Variants in RAPGEF5 observed in about 807,000 individuals in gnomAD.
RAPGEF5 encodes the protein M-Ras-regulated GEF.
RAPGEF5 carries 65 observed loss-of-function variants against 125.2 expected under a neutral mutation model. The ratio of observed to expected loss-of-function variants is 0.52; its 90% confidence interval spans 0.43 to 0.64. RAPGEF5 has a LOEUF of 0.64. Ranked by LOEUF, RAPGEF5 falls within the 30% of genes least tolerant of loss-of-function variation. The pLI is 0.00. For missense variants in RAPGEF5, 958 were observed against 1,048.1 expected (o/e 0.91, Z 1.19); for synonymous variants, 391 against 385.9 (o/e 1.01, Z -0.16).
chr7:22,308,609 C>T (rs1783399095), intron 4 of RAPGEF5, 102 bp from the exon 5 acceptor site: 1 of 964,906 alleles, frequency 1.0e-6, no homozygotes, highest in Non-Finnish European at 1.5e-6. Context: ...TGGGAGCAAT[C>T]AGGGTTAAGA....
intron 24 of RAPGEF5, among the ~76,000 whole-genome samples, chr7:22,129,256 C>T (rs769123729): frequency 2.0e-5 from 3 of 152,130 alleles, no homozygotes; most frequent in Admixed American, 6.5e-5. Context: ...GGGAGGTCAA[C>T]CTCACGTCTG....
intron 6 of RAPGEF5, 100 bp from the exon 7 acceptor site, chr7:22,267,112 G>C: frequency 1.7e-6 from 2 of 1,161,822 alleles, no homozygotes; most frequent in Non-Finnish European, 2.4e-6. Flanking sequence ...ATTCAGAGCT[G>C]TTTCAATTAA....
At chr7:22,186,074 C>T (rs1017470287) in intron 11 of RAPGEF5, among the ~76,000 whole-genome samples, 16 of 152,116 alleles carry the variant, frequency 1.1e-4, no homozygotes, top group Non-Finnish European at 1.9e-4. Context: ...CATCTGCCCA[C>T]CTTGGCCTCC....
chr7:22,182,490 C>A (rs1371067725), intron 11 of RAPGEF5, among the ~76,000 whole-genome samples: 1 of 152,186 alleles, frequency 6.6e-6, no homozygotes, highest in African/African-American at 2.4e-5. Context: ...ACTTAAATCA[C>A]ACATTTAAAC....
At chr7:22,352,009 G>C (rs1266885487) in intron 1 of RAPGEF5, among the ~76,000 whole-genome samples, 1 of 152,232 alleles carries the variant, frequency 6.6e-6, no homozygotes. Flanking sequence ...ACCCTGGCTA[G>C]TGAAGGGTGG....
At chr7:22,230,774 T>A in intron 8 of RAPGEF5, 72 bp downstream of exon 8, 3 of 1,349,680 alleles carry the variant, frequency 2.2e-6, no homozygotes, top group Non-Finnish European at 3.1e-6. Context: ...TATCATTTTT[T>A]AACACCTGCA....
At chr7:22,128,168 T>C (rs1025992293) in intron 24 of RAPGEF5, among the ~76,000 whole-genome samples, 3 of 152,178 alleles carry the variant, frequency 2.0e-5, no homozygotes, top group African/African-American at 4.8e-5. Flanking sequence ...ATCTTTAGGC[T>C]TTCTAAAGGG....
chr7:22,337,120 TTTG>T (rs1458592827), intron 1 of RAPGEF5, among the ~76,000 whole-genome samples: 3 of 152,006 alleles, frequency 2.0e-5, no homozygotes, highest in African/African-American at 7.3e-5. Context: ...AGACTAGAAT[TTTG>T]TTATTACTCA....
intron 1 of RAPGEF5, among the ~76,000 whole-genome samples, chr7:22,339,328 G>A (rs961761260): frequency 6.6e-6 from 1 of 152,200 alleles, no homozygotes; most frequent in African/African-American, 2.4e-5. Flanking sequence ...TTCTTCTGAG[G>A]AGGCAAGAAG....
chr7:22,274,224 T>C (rs1324289062), intron 6 of RAPGEF5, among the ~76,000 whole-genome samples: 1 of 152,196 alleles, frequency 6.6e-6, no homozygotes, highest in Non-Finnish European at 1.5e-5. Context: ...CAATTATATT[T>C]GCATTTCCAG....
Position 22,146,958 on chromosome 7 carries a change from G to A in RAPGEF5, c.1946C>T (p.Thr649Ile). 2 of 1,613,738 alleles carry A rather than the reference G, an allele frequency of 1.2e-6. No homozygotes were observed. Among genetic ancestry groups the A allele is most frequent in the South Asian group, 2.2e-5 (2 of 91,058 alleles). Reference sequence around the variant, plus strand: ...CATTAATTCCAGAGCAAGATCCCAAGTGTTCATTCCCAAAATCCTCATCGA... The same window carrying A: ...CATTAATTCCAGAGCAAGATCCCAAATGTTCATTCCCAAAATCCTCATCGA... ...QRSMRILGMN[T>I]WDLALELMNF... The change falls in exon 19 of 26, where the codon ACT (threonine) becomes ATT (isoleucine). Residue 649 changes from threonine to isoleucine, a missense_variant. Thr to Ile is a moderately conservative substitution (Grantham distance 89, BLOSUM62 -1). Coordinates refer to ENST00000665637, the MANE Select transcript of RAPGEF5 (RefSeq NM_012294.5).
intron 7 of RAPGEF5, among the ~76,000 whole-genome samples, chr7:22,235,550 G>C (rs1319241646): frequency 6.6e-6 from 1 of 152,200 alleles, no homozygotes; most frequent in Non-Finnish European, 1.5e-5. Flanking sequence ...TTTGCAACTA[G>C]TAAAGTATTT....
intron 9 of RAPGEF5, among the ~76,000 whole-genome samples, chr7:22,217,035 T>C (rs933458260): frequency 5.3e-5 from 8 of 152,230 alleles, no homozygotes; most frequent in African/African-American, 1.9e-4. Context: ...ATTAGCTCTC[T>C]CTTTGGCATC....
intron 13 of RAPGEF5, 79 bp from the exon 14 acceptor site, chr7:22,160,694 T>C (rs1783959879): frequency 1.4e-6 from 2 of 1,400,938 alleles, no homozygotes; most frequent in Non-Finnish European, 1.8e-6. Context: ...ATGGCTATCC[T>C]AACACAGGAA....
intron 1 of RAPGEF5, among the ~76,000 whole-genome samples, chr7:22,331,889 C>T (rs1406667990): frequency 2.0e-5 from 3 of 151,932 alleles, no homozygotes; most frequent in Admixed American, 6.6e-5. Flanking sequence ...TTGCATAATC[C>T]AAGAATCATG....
intron 11 of RAPGEF5, among the ~76,000 whole-genome samples, chr7:22,180,544 C>T (rs954775632): frequency 3.9e-5 from 6 of 152,130 alleles, no homozygotes; most frequent in African/African-American, 9.7e-5. Context: ...GTGGCTTTAT[C>T]GGCTGCGGAC....
chr7:22,313,747 C>T (rs1174313736), intron 3 of RAPGEF5, among the ~76,000 whole-genome samples: 1 of 152,184 alleles, frequency 6.6e-6, no homozygotes, highest in Non-Finnish European at 1.5e-5. Flanking sequence ...AGCTTGCTCA[C>T]GACTCTACTC....
chr7:22,326,276 G>A (rs755919179), intron 1 of RAPGEF5, among the ~76,000 whole-genome samples: 36 of 152,290 alleles, frequency 2.4e-4, no homozygotes, highest in Non-Finnish European at 1.9e-4. Context: ...ACCTCCGGGG[G>A]TCACCAGGCC....
chr7:22,269,005 C>G (rs1342251735), intron 6 of RAPGEF5, among the ~76,000 whole-genome samples: 1 of 152,018 alleles, frequency 6.6e-6, no homozygotes, highest in East Asian at 1.9e-4. Context: ...GCATGAAGAA[C>G]TTCACAGTTC....
Sources: allele counts gnomAD v4.1 joint callset (sites outside exome capture counted in the v4.1 genomes callset), GRCh38; gene constraint gnomAD v4.1.1; transcripts MANE v1.5; gene names NCBI Gene and HGNC (gene_info 2026-07-23, HGNC 2026-07-21).